BLTP3A: variants seen among roughly 807,000 people sequenced by gnomAD.
BLTP3A encodes bridge-like lipid transfer protein family member 3A, also known as ICBP90 binding protein 1.
the BLTP3A span, among the ~76,000 whole-genome samples, chr6:34,808,737 C>G: frequency 1.3e-5 from 2 of 152,058 alleles, no homozygotes; most frequent in African/African-American, 4.8e-5. Context: ...GTGCATGCCA[C>G]CATGCCTAAT....
the BLTP3A span, among the ~76,000 whole-genome samples, chr6:34,796,871 A>T: frequency 6.6e-6 from 1 of 152,038 alleles, no homozygotes. Context: ...CGCCCGGCTA[A>T]TTTTTGTATC....
At chr6:34,856,536 CT>C in the BLTP3A span, 2 of 1,306,526 alleles carry the variant, frequency 1.5e-6, no homozygotes, top group South Asian at 1.5e-5. Flanking sequence ...ACATCAGTGA[CT>C]TTTTTCTTTA....
At chr6:34,836,470 A>C in the BLTP3A span, 1 of 889,668 alleles carries the variant, frequency 1.1e-6, no homozygotes. Context: ...GCTTCCCTTA[A>C]TCACAGGCAT....
At chr6:34,834,169 A>G in the BLTP3A span, 1 of 1,571,378 alleles carries the variant, frequency 6.4e-7, no homozygotes, top group South Asian at 1.1e-5. Flanking sequence ...AAGACTGTGC[A>G]GAAAGTCTCC....
chr6:34,862,403 A>G, the BLTP3A span, among the ~76,000 whole-genome samples: 7 of 152,034 alleles, frequency 4.6e-5, no homozygotes, highest in Non-Finnish European at 7.4e-5. Flanking sequence ...ATAAAATAAA[A>G]TAAAAACCAA....
At chr6:34,830,438 A>G in the BLTP3A span, among the ~76,000 whole-genome samples, 2 of 152,024 alleles carry the variant, frequency 1.3e-5, no homozygotes, top group Admixed American at 1.3e-4. Context: ...AAAAATAAAA[A>G]AATTAGCTGG....
chr6:34,872,475 C>CTA, the BLTP3A span: 3 of 1,584,254 alleles, frequency 1.9e-6, no homozygotes, highest in East Asian at 6.7e-5. Flanking sequence ...AGGAGAGAGG[C>CTA]TATCACCAGC....
At chr6:34,846,251 T>A in the BLTP3A span, among the ~76,000 whole-genome samples, 1 of 151,268 alleles carries the variant, frequency 6.6e-6, no homozygotes, top group Admixed American at 6.6e-5. Flanking sequence ...TTCAAGCGAT[T>A]CTCCTGCCTC....
chr6:34,870,841 TTTC>T, the BLTP3A span: 5 of 1,612,284 alleles, frequency 3.1e-6, no homozygotes, highest in Non-Finnish European at 4.2e-6. Flanking sequence ...CTTCCTTGTC[TTTC>T]TTCACAAAGG....
chr6:34,844,317 C>G, the BLTP3A span, among the ~76,000 whole-genome samples: 2 of 152,084 alleles, frequency 1.3e-5, no homozygotes, highest in Non-Finnish European at 2.9e-5. Flanking sequence ...GCTGTGTTGC[C>G]CAGGCTGGAG....
the BLTP3A span, among the ~76,000 whole-genome samples, chr6:34,818,986 A>G: frequency 2.6e-5 from 4 of 152,156 alleles, no homozygotes; most frequent in African/African-American, 9.7e-5. Flanking sequence ...AAATATATAG[A>G]TATGTAACTC....
At chr6:34,828,185 G>T in the BLTP3A span, among the ~76,000 whole-genome samples, 5 of 152,030 alleles carry the variant, frequency 3.3e-5, no homozygotes, top group African/African-American at 1.2e-4. Flanking sequence ...GTATTACATG[G>T]CTCACGCCTG....
At chr6:34,877,201 G>A in the BLTP3A span, 3 of 152,614 alleles carry the variant, frequency 2.0e-5, no homozygotes, top group Non-Finnish European at 4.4e-5. Flanking sequence ...AAGAGAATTA[G>A]AATCTTTACT....
chr6:34,822,845 G>T, the BLTP3A span, among the ~76,000 whole-genome samples: 1 of 147,868 alleles, frequency 6.8e-6, no homozygotes, highest in Non-Finnish European at 1.5e-5. Context: ...GTAAGACTCT[G>T]TTTCGGGAAA....
chr6:34,793,923 CAA>C, the BLTP3A span, among the ~76,000 whole-genome samples: 39,985 of 123,336 alleles, frequency 0.32, 5,634 homozygotes, highest in African/African-American at 0.39. Context: ...TTCAAGGGTA[CAA>C]AAAAAAAAAA....
At chr6:34,803,062 G>A in the BLTP3A span, among the ~76,000 whole-genome samples, 2 of 151,858 alleles carry the variant, frequency 1.3e-5, no homozygotes, top group Non-Finnish European at 2.9e-5. Flanking sequence ...TGTGTTTGTC[G>A]TAGTCCCAGC....
At chr6:34,794,981 G>T in the BLTP3A span, among the ~76,000 whole-genome samples, 1 of 151,796 alleles carries the variant, frequency 6.6e-6, no homozygotes, top group Non-Finnish European at 1.5e-5. Flanking sequence ...TAGAGATGGG[G>T]TTTCACCATG....
chr6:34,872,354 T>C, the BLTP3A span: 1 of 1,612,216 alleles, frequency 6.2e-7, no homozygotes, highest in African/African-American at 1.3e-5. Flanking sequence ...TTATAGAAAC[T>C]AAACAAGCCT....
chr6:34,834,338 A>G, the BLTP3A span: 1 of 1,614,000 alleles, frequency 6.2e-7, no homozygotes, highest in Admixed American at 1.7e-5. Flanking sequence ...CCAGGGCTAT[A>G]GTGTCAACCC....
Sources: allele counts gnomAD v4.1 joint callset (sites outside exome capture counted in the v4.1 genomes callset), GRCh38; gene constraint gnomAD v4.1.1; transcripts MANE v1.5; gene names NCBI Gene and HGNC (gene_info 2026-07-23, HGNC 2026-07-21).